Variants in CEP170B observed in about 807,000 individuals in gnomAD.
CEP170B encodes the protein centrosomal protein 170B.
In CEP170B, 55 loss-of-function variants were observed where a neutral mutation model predicts 120.6. The observed-to-expected ratio is 0.46, with a 90% confidence interval of 0.37 to 0.57. The LOEUF is 0.57. Among genes scored for constraint, CEP170B ranks in the 20% least tolerant of loss-of-function variants. CEP170B has a pLI of 0.00. For missense variants in CEP170B, 2,212 were observed against 2,253.3 expected, an observed-to-expected ratio of 0.98 and a Z score of 0.37; for synonymous variants, 1,033 against 954.5, an observed-to-expected ratio of 1.08 and a Z score of -1.52.
rs1896266723 is a variant in CEP170B at position 104,883,392 on chromosome 14, C to G, written c.935C>G (p.Thr312Ser). The change falls in exon 8 of 19, where the codon ACC becomes AGC. Residue 312 changes from threonine to serine, a missense_variant. Around this residue, in one of 2 missense-constraint regions of CEP170B, gnomAD observed 2,166 missense variants for 2,166.7 expected, o/e 1.00. Coordinates refer to ENST00000414716, the MANE Select transcript of CEP170B (RefSeq NM_001112726.3). ...ATPGEMVSAE[T>S]KVADWLVQND... is the part of the protein sequence containing the mutation. ...CCTGGCGAGATGGTGTCGGCTGAGACCAAGGTGGCCGACTGGCTGGTGCAG... is the reference window on the plus strand; with the variant it reads ...CCTGGCGAGATGGTGTCGGCTGAGAGCAAGGTGGCCGACTGGCTGGTGCAG... 2 of 1,598,268 alleles carry G rather than the reference C, an allele frequency of 1.3e-6. No homozygotes were observed. Among genetic ancestry groups the G allele is most frequent in the Admixed American group, 1.7e-5 (1 of 57,732 alleles).
In CEP170B at chr14:104,886,389, G is replaced by C. The variant is rs898905234; in HGVS notation, c.2150G>C (p.Ser717Thr). The change falls in exon 12 of 19, where the codon AGC (serine) becomes ACC (threonine). Residue 717 changes from serine to threonine, a missense_variant. Physicochemically the swap from Ser to Thr is moderately conservative, Grantham distance 58. This residue lies in a region of CEP170B where 2,166 missense variants were observed against 2,166.7 expected (regional missense o/e 1.00). Transcript: ENST00000414716. ...ERADSPAGPE[S>T]SRRSGPGPPE... The stretch of plus-strand genomic sequence containing the variant: ...GCTGACAGCCCTGCGGGCCCAGAGA[G>C]CAGCAGGAGGAGTGGGCCTGGGCCA... 6.3e-7 allele frequency: 1 copy of C among 1,582,686 alleles called. No homozygotes were observed. Among genetic ancestry groups the C allele is most frequent in the Non-Finnish European group, 8.6e-7 (1 of 1,166,044 alleles).
Position 104,887,633 on chromosome 14 carries a change from G to A in CEP170B, c.3394G>A (p.Gly1132Arg). Residue 1132 changes from glycine (G) to arginine (R), a missense_variant, in exon 12 of 19, where the codon GGG (glycine) becomes AGG (arginine). Gly to Arg is a moderately radical substitution (Grantham distance 125). Coordinates refer to ENST00000414716, the MANE Select transcript of CEP170B (RefSeq NM_001112726.3). ...CTCCCGGCTGAGGCGGGCCCGGCTG[G>A]GGGACGCTTCAGACACTGAGGCTGC... The part of the protein sequence containing the change: ...RASRLRRARL[G>R]DASDTEAADG... The A allele has an allele frequency of 6.4e-7, 1 of 1,561,214 alleles. No homozygotes were observed. The highest frequency in any genetic ancestry group is 8.7e-7 in the Non-Finnish European group (1 of 1,155,506).
At position 104,884,472 on chromosome 14, in the gene CEP170B, A is replaced by T. The variant is rs780897550; in HGVS notation, c.1693A>T (p.Ser565Cys). Residue 565 changes from serine to cysteine, a missense_variant, in exon 9 of 19, where the codon AGT becomes TGT. Transcript: ENST00000414716. ...GAAACAGGAGGAGGACGACAGCCTC[A>T]GTGACGCAGGGACATACACCATCGA... ...ARKQEEDDSLSDAGTYTIETE... is the reference protein window; with the variant it reads ...ARKQEEDDSLCDAGTYTIETE... 1 of 1,562,070 alleles carries T rather than the reference A, an allele frequency of 6.4e-7. No individual in the cohort carries two copies. The highest frequency in any genetic ancestry group is 1.2e-5 in the South Asian group (1 of 84,692).
At position 104,894,389 on chromosome 14, in the gene CEP170B, G is replaced by A. The variant is rs937539536; in HGVS notation, c.4365+11G>A. 3.1e-6 allele frequency: 5 copies of A among 1,612,552 alleles called. No homozygotes were observed. The East Asian group carries it at 1.1e-4, about 36-fold the overall frequency. The stretch of plus-strand genomic sequence containing the variant: ...AAGACATCTAACAAGGTGAGCGCTG[G>A]GGCCCCGTGCCCCTTGGCCTGCCCC... On this transcript the variant is annotated intron_variant, in intron 17 of 18. Coordinates refer to ENST00000414716, the MANE Select transcript of CEP170B (RefSeq NM_001112726.3).
Position 104,893,565 on chromosome 14 carries a change from G to C in CEP170B, c.4081G>C (p.Val1361Leu). 1 of 1,605,576 alleles carries C rather than the reference G, an allele frequency of 6.2e-7. No individual in the cohort carries two copies. Among genetic ancestry groups the C allele is most frequent in the Non-Finnish European group, 8.5e-7 (1 of 1,177,326 alleles). The change falls in exon 15 of 19, where the codon GTG becomes CTG. Residue 1361 changes from valine (V) to leucine (L), a missense_variant. Around this residue, in one of 2 missense-constraint regions of CEP170B, gnomAD observed 2,166 missense variants for 2,166.7 expected, o/e 1.00. Transcript: ENST00000414716. ...CGAGGCCAGCCTCAACTTCCAGAAG[G>C]TGCCGCCCGGCTCGCTGAACTCTCG... The part of the protein sequence containing the change: ...IPEASLNFQK[V>L]PPGSLNSRDF...
chr14:104,890,207 T>A (rs1595357021), intron 13 of CEP170B, among the ~76,000 whole-genome samples: 1 of 56,076 alleles, frequency 1.8e-5, no homozygotes, highest in Admixed American at 2.4e-4. Context: ...GGTGGGTGGG[T>A]GGGTGGATGG....
chr14:104,883,829 A>G lies in CEP170B; in HGVS notation c.1052-2A>G, dbSNP rs1433838695. On this transcript the variant is annotated splice_acceptor_variant, in intron 8 of 18. Coordinates refer to ENST00000414716, the MANE Select transcript of CEP170B (RefSeq NM_001112726.3). LOFTEE classifies it high-confidence loss of function. ...CAAGGTGGGGTCCCCTGTCTCCCCC[A>G]GGCCACAAGCACGAGGACGGCACGC... 3 of 1,541,324 alleles carry G rather than the reference A, an allele frequency of 1.9e-6. No individual in the cohort carries two copies. Among genetic ancestry groups the G allele is most frequent in the South Asian group, 1.2e-5 (1 of 82,686 alleles).
In CEP170B at chr14:104,883,010, G is replaced by A. The variant is rs1896237905; in HGVS notation, c.578-25G>A. The A allele has an allele frequency of 2.0e-6, 3 of 1,489,386 alleles. No individual in the cohort carries two copies. In the African/African-American group the frequency reaches 4.2e-5, roughly 21 times the overall value. 92.3% of individuals were successfully genotyped at this position (1,489,386 alleles called of 1,614,324 possible). ...TGGCAGGTGGTTACCCTGAGGCCCG[G>A]TCTGAAGACATCTTCCCACACCAGA... On this transcript the variant is annotated intron_variant, in intron 7 of 18. Coordinates refer to ENST00000414716, the MANE Select transcript of CEP170B (RefSeq NM_001112726.3).
intron 9 of CEP170B, 119 bp downstream of exon 9, chr14:104,884,668 G>A (rs1413305638): frequency 9.2e-6 from 6 of 650,706 alleles, no homozygotes; most frequent in South Asian, 5.8e-5. Context: ...CGGGGGTGGC[G>A]AGTGAGAGCC....
rs561381694 is a variant in CEP170B at position 104,889,690 on chromosome 14, C to A, written c.3810C>A (p.Asp1270Glu). Residue 1270 changes from aspartate to glutamate, a missense_variant, in exon 13 of 19, where the codon GAC becomes GAA. By Grantham distance (45) the Asp-to-Glu change is conservative. This residue lies in a region of CEP170B where 2,166 missense variants were observed against 2,166.7 expected (regional missense o/e 1.00). Coordinates refer to ENST00000414716, the MANE Select transcript of CEP170B (RefSeq NM_001112726.3). ...RSRAPGPRDT[D>E]DDEEEPDPYG... ...GGGCCCCCGGCCCCCGGGACACGGA[C>A]GACGATGAGGAGGAGCCTGACCCTT... 3.1e-6 allele frequency: 5 copies of A among 1,611,992 alleles called. No homozygotes were observed. The highest frequency in any genetic ancestry group is 4.2e-6 in the Non-Finnish European group (5 of 1,179,698).
chr14:104,885,253 A>T (rs1251671065), intron 9 of CEP170B, 116 bp from the exon 10 acceptor site: 1 of 1,224,040 alleles, frequency 8.2e-7, no homozygotes, highest in Admixed American at 3.2e-5. Context: ...GCCACCAGCC[A>T]CTCTGGCCAA....
chr14:104,872,436 CGT>C (rs55851507), intron 2 of CEP170B, among the ~76,000 whole-genome samples: 1,402 of 81,620 alleles, frequency 0.017, 141 homozygotes, highest in African/African-American at 0.056. Flanking sequence ...TGCGTGTGTG[CGT>C]GTGTGTGCCA....
In CEP170B at chr14:104,878,470, T is replaced by C. The variant is rs972242656; in HGVS notation, c.302T>C (p.Val101Ala). Residue 101 changes from valine to alanine, a missense_variant, in exon 5 of 19, where the codon GTG (valine) becomes GCG (alanine). By Grantham distance (64) the Val-to-Ala change is moderately conservative. Around this residue, in one of 2 missense-constraint regions of CEP170B, gnomAD observed 2,166 missense variants for 2,166.7 expected, o/e 1.00. Transcript: ENST00000414716. ...YDSNMYVLER[V>A]QHRVPEEALK... is the part of the protein sequence containing the mutation. ...TCCAACATGTATGTGCTGGAGCGTGTGCAGCACCGAGTCCCGGAGGAGGCA... is the reference window on the plus strand; with the variant it reads ...TCCAACATGTATGTGCTGGAGCGTGCGCAGCACCGAGTCCCGGAGGAGGCA... The C allele has an allele frequency of 6.2e-7, 1 of 1,612,388 alleles. No homozygotes were observed. Among genetic ancestry groups the C allele is most frequent in the Non-Finnish European group, 8.5e-7 (1 of 1,179,754 alleles).
At chr14:104,871,939 C>T (rs369531044) in intron 2 of CEP170B, among the ~76,000 whole-genome samples, 1 of 152,332 alleles carries the variant, frequency 6.6e-6, no homozygotes, top group African/African-American at 2.4e-5. Flanking sequence ...CCACGGACCA[C>T]GCTGTCCAGG....
chr14:104,881,805 C>T (rs780584958), intron 6 of CEP170B, among the ~76,000 whole-genome samples: 12 of 152,112 alleles, frequency 7.9e-5, no homozygotes, highest in Non-Finnish European at 1.6e-4. Context: ...AGAGGGAGTC[C>T]CCAGGGAGGG....
At chr14:104,877,124 A>G (rs973213831) in intron 3 of CEP170B, among the ~76,000 whole-genome samples, 3 of 152,052 alleles carry the variant, frequency 2.0e-5, no homozygotes, top group African/African-American at 4.8e-5. Flanking sequence ...CAGCCCCTCA[A>G]GGAGCTCCGG....
Position 104,887,910 on chromosome 14 carries a change from C to T in CEP170B, c.3671C>T (p.Thr1224Ile), listed in dbSNP as rs1356240472. 5 of 1,551,788 alleles carry T rather than the reference C, an allele frequency of 3.2e-6. No individual in the cohort carries two copies. In the East Asian group the frequency reaches 7.1e-5, roughly 22 times the overall value. ...GCTGTCTCCAGGAAGGCTGCCAACACAGCCACCACCACGGGTCCCCGCCAG... is the reference window on the plus strand; with the variant it reads ...GCTGTCTCCAGGAAGGCTGCCAACATAGCCACCACCACGGGTCCCCGCCAG... ...ARAVSRKAANTATTTGPRQPF... is the reference protein window; with the variant it reads ...ARAVSRKAANIATTTGPRQPF... Residue 1224 changes from threonine to isoleucine, a missense_variant, in exon 12 of 19, where the codon ACA (threonine) becomes ATA (isoleucine). Transcript: ENST00000414716.
intron 12 of CEP170B, 84 bp downstream of exon 12, chr14:104,888,062 G>A (rs1896618320): frequency 7.3e-7 from 1 of 1,376,054 alleles, no homozygotes; most frequent in Non-Finnish European, 9.6e-7. Context: ...GCTGAGTGCT[G>A]GCCGTGGGCC....
intron 16 of CEP170B, 81 bp downstream of exon 16, chr14:104,893,930 T>C (rs778756767): frequency 7.5e-7 from 1 of 1,335,652 alleles, no homozygotes; most frequent in Non-Finnish European, 1.1e-6. Flanking sequence ...GCTGAATCCC[T>C]CAAGGGCAGC....
Sources: allele counts gnomAD v4.1 joint callset (sites outside exome capture counted in the v4.1 genomes callset), GRCh38; gene constraint gnomAD v4.1.1; regional missense constraint gnomAD v4.1.1; transcripts MANE v1.5; gene names NCBI Gene and HGNC (gene_info 2026-07-23, HGNC 2026-07-21).